Variants in C4orf36 observed in about 807,000 individuals in gnomAD.
C4orf36 encodes the protein chromosome 4 open reading frame 36, also known as uncharacterized protein C4orf36.
C4orf36 carries 11 observed loss-of-function variants against 12.2 expected under a neutral mutation model. The observed-to-expected ratio is 0.90, with a 90% CI of 0.57 to 1.49. C4orf36 has a LOEUF of 1.49. Among genes scored for constraint, C4orf36 ranks in the 40% most tolerant of loss-of-function variants. The pLI is 0.00. For missense variants in C4orf36, 137 were observed against 133.9 expected (o/e 1.02, Z -0.11); for synonymous variants, 54 against 51.3 (o/e 1.05, Z -0.22).
the C4orf36 span, among the ~76,000 whole-genome samples, chr4:86,928,814 C>T: frequency 6.6e-6 from 1 of 152,218 alleles, no homozygotes; most frequent in East Asian, 1.9e-4. Flanking sequence ...TTAACTCCCT[C>T]TGCCCACGAA....
intron 2 of C4orf36, among the ~76,000 whole-genome samples, chr4:86,891,207 C>T (rs1293272593): frequency 6.8e-6 from 1 of 147,208 alleles, no homozygotes; most frequent in African/African-American, 2.5e-5. Flanking sequence ...TGACTTTGAT[C>T]AAACTTCTCT....
At chr4:86,902,979 G>A in the C4orf36 span, among the ~76,000 whole-genome samples, 49 of 152,312 alleles carry the variant, frequency 3.2e-4, no homozygotes, top group African/African-American at 1.0e-3. Flanking sequence ...AGGGAGAGAG[G>A]GGGCTGTGAT....
At chr4:86,922,787 C>T in the C4orf36 span, among the ~76,000 whole-genome samples, 3 of 152,140 alleles carry the variant, frequency 2.0e-5, no homozygotes, top group African/African-American at 4.8e-5. Flanking sequence ...GTCATTTACA[C>T]ATATAATTTC....
the C4orf36 span, chr4:86,913,695 A>G: frequency 1.2e-6 from 2 of 1,604,538 alleles, no homozygotes; most frequent in Non-Finnish European, 1.7e-6. Context: ...GACCCAGGCC[A>G]GGCGGCTCCC....
At chr4:86,909,357 A>G in the C4orf36 span, among the ~76,000 whole-genome samples, 1 of 152,176 alleles carries the variant, frequency 6.6e-6, no homozygotes, top group Admixed American at 6.5e-5. Context: ...GCAACTTCTC[A>G]AAAGCTTCTT....
chr4:86,932,175 C>T, the C4orf36 span: 1 of 151,680 alleles, frequency 6.6e-6, no homozygotes, highest in African/African-American at 2.4e-5. Context: ...GGAGAAACAC[C>T]CGTCTCTACT....
At chr4:86,894,767 G>A (rs1030342365), upstream of C4orf36, among the ~76,000 whole-genome samples, 1 of 152,130 alleles carries the variant, frequency 6.6e-6, no homozygotes, top group African/African-American at 2.4e-5. Flanking sequence ...ACTCACCCTA[G>A]GAGAGACTGG....
chr4:86,918,911 T>C, the C4orf36 span, among the ~76,000 whole-genome samples: 1 of 151,986 alleles, frequency 6.6e-6, no homozygotes. Context: ...TGACAGGCCA[T>C]CTGCAAGCTG....
chr4:86,891,508 C>G lies in C4orf36; in HGVS notation c.13G>C (p.Val5Leu). The G allele has an allele frequency of 6.2e-7, 1 of 1,614,008 alleles. No individual in the cohort carries two copies. The highest frequency in any genetic ancestry group is 8.5e-7 in the Non-Finnish European group (1 of 1,179,978). The change falls in exon 2 of 5, where the codon GTG becomes CTG. Residue 5 changes from valine to leucine, a missense_variant. By Grantham distance (32) the Val-to-Leu change is conservative. Coordinates refer to ENST00000295898, the MANE Select transcript of C4orf36 (RefSeq NM_144645.4). ...GTTTTCACTGTGTTCTTTCTTGGCACTCCATACGCCATGGTGAGTTATTAC... is the reference window on the plus strand; with the variant it reads ...GTTTTCACTGTGTTCTTTCTTGGCAGTCCATACGCCATGGTGAGTTATTAC... The part of the protein sequence containing the change: MAYG[V>L]PRKNTVKTIL...
the C4orf36 span, among the ~76,000 whole-genome samples, chr4:86,931,104 C>T: frequency 1.3e-5 from 2 of 152,302 alleles, no homozygotes; most frequent in South Asian, 2.1e-4. Context: ...TCCTACCCAC[C>T]GCATTTAGGA....
chr4:86,902,338 C>T, the C4orf36 span, among the ~76,000 whole-genome samples: 1 of 140,268 alleles, frequency 7.1e-6, no homozygotes, highest in South Asian at 2.3e-4. Context: ...AGGGGGATCT[C>T]TTGAGCCCAG....
At chr4:86,896,756 C>T (rs779759314), upstream of C4orf36, among the ~76,000 whole-genome samples, 8 of 152,312 alleles carry the variant, frequency 5.3e-5, no homozygotes, top group South Asian at 2.1e-4. Flanking sequence ...CTCCTAGATG[C>T]GTATCCGTTT....
the C4orf36 span, chr4:86,913,964 C>T: frequency 6.5e-7 from 1 of 1,538,520 alleles, no homozygotes; most frequent in South Asian, 1.1e-5. Flanking sequence ...AGCTGTCATC[C>T]ACTTCTTTAA....
chr4:86,935,751 G>C, the C4orf36 span: 1 of 152,466 alleles, frequency 6.6e-6, no homozygotes, highest in Admixed American at 6.5e-5. Context: ...GGAGGGAGGC[G>C]TGTGTCGGTG....
the C4orf36 span, among the ~76,000 whole-genome samples, chr4:86,919,272 C>G: frequency 6.6e-6 from 1 of 151,334 alleles, no homozygotes; most frequent in African/African-American, 2.4e-5. Flanking sequence ...TTTACATGAC[C>G]AGGCTGAAAA....
At chr4:86,885,168 C>A (rs550655115) in intron 4 of C4orf36, among the ~76,000 whole-genome samples, 2 of 152,290 alleles carry the variant, frequency 1.3e-5, no homozygotes, top group African/African-American at 4.8e-5. Flanking sequence ...TTAGGATTGA[C>A]TTGGCAATGC....
chr4:86,924,022 T>A, the C4orf36 span, among the ~76,000 whole-genome samples: 1 of 152,182 alleles, frequency 6.6e-6, no homozygotes, highest in Non-Finnish European at 1.5e-5. Flanking sequence ...ACATGTTTGA[T>A]ACCTTCTGAT....
the C4orf36 span, among the ~76,000 whole-genome samples, chr4:86,909,213 A>G: frequency 2.0e-5 from 3 of 152,202 alleles, no homozygotes; most frequent in African/African-American, 7.2e-5. Context: ...TAGCCAAGCT[A>G]ACACCATTAC....
At position 86,891,568 on chromosome 4, in the gene C4orf36, G is replaced by A. The variant is rs1747417159; in HGVS notation, c.-48C>T. The A allele has an allele frequency of 6.2e-7, 1 of 1,613,620 alleles. No homozygotes were observed. The highest frequency in any genetic ancestry group is 2.2e-5 in the East Asian group (1 of 44,870). On this transcript the variant is annotated 5_prime_UTR_variant, in exon 2 of 5. Transcript: ENST00000295898. The stretch of plus-strand genomic sequence containing the variant: ...TCGTTACATAGGTGCCTGATGGAAT[G>A]TCACAGATAACTCTGTTCACTTTAC...
Sources: allele counts gnomAD v4.1 joint callset (sites outside exome capture counted in the v4.1 genomes callset), GRCh38; gene constraint gnomAD v4.1.1; transcripts MANE v1.5; gene names NCBI Gene and HGNC (gene_info 2026-07-23, HGNC 2026-07-21).